Variants in SMC2 observed in about 807,000 individuals in gnomAD.
SMC2 encodes the protein structural maintenance of chromosomes protein 2.
In SMC2, 41 loss-of-function variants were observed where a neutral mutation model predicts 142.6. The observed-to-expected ratio is 0.29, with a 90% CI of 0.22 to 0.37. The LOEUF (loss-of-function observed/expected upper bound fraction) is 0.37. SMC2 is among the 10% of genes least tolerant of loss of function. SMC2 has a pLI of 1.00. For synonymous variants in SMC2, 463 were observed against 457.5 expected (o/e 1.01, Z -0.15); for missense variants, 1,265 against 1,373.7 (o/e 0.92, Z 1.25).
At chr9:104,126,865 T>C in intron 19 of SMC2, 81 bp downstream of exon 19, 1 of 1,331,888 alleles carries the variant, frequency 7.5e-7, no homozygotes, top group Non-Finnish European at 1.0e-6. Flanking sequence ...TTGACTTTAG[T>C]GTTCTCAGTC....
chr9:104,103,587 A>G (rs898608785), intron 9 of SMC2, among the ~76,000 whole-genome samples: 1 of 152,316 alleles, frequency 6.6e-6, no homozygotes, highest in Middle Eastern at 3.4e-3. Context: ...CTTCGCGAGA[A>G]CTAGGAATAG....
In SMC2 at chr9:104,132,141, G is replaced by A. The variant is rs1183064411; in HGVS notation, c.3108+16G>A. 7.0e-6 allele frequency: 9 copies of A among 1,292,476 alleles called. No individual in the cohort carries two copies. The highest frequency in any genetic ancestry group is 2.3e-5 in the East Asian group (1 of 43,174). The allele number at this position is 1,292,476 out of a possible 1,614,324, so 80.1% of individuals were successfully genotyped here. A position where few individuals can be genotyped will look rare whatever the true frequency, so the allele number is the denominator to read the frequency against. On this transcript the variant is annotated intron_variant, in intron 22 of 24. Coordinates refer to ENST00000374793, the MANE Select transcript of SMC2 (RefSeq NM_006444.3). The stretch of plus-strand genomic sequence containing the variant: ...ATGGCAAAAGGTACTTTTTATGTTT[G>A]TTTTATATGAGGTTGCAAGGATGAA...
At chr9:104,127,243 C>T (rs768537541) in intron 19 of SMC2, 43 bp from the exon 20 acceptor site, 1 of 1,423,238 alleles carries the variant, frequency 7.0e-7, no homozygotes, top group South Asian at 1.5e-5. Flanking sequence ...AAATTATTTA[C>T]ATGTTACCTC....
Position 104,129,821 on chromosome 9 carries a change from T to C in SMC2, c.2967T>C (p.Asn989=). The change falls in exon 21 of 25, where the codon AAT becomes AAC. Residue 989 remains asparagine, a synonymous_variant. Coordinates refer to ENST00000374793, the MANE Select transcript of SMC2 (RefSeq NM_006444.3). The part of the protein sequence containing the change: ...LGRNVNMRAM[N]VLTEAEERYN... ...GAAATGTCAATATGAGAGCTATGAATGTATTGACAGAAGCTGAAGAGCGAG... is the reference window on the plus strand; with the variant it reads ...GAAATGTCAATATGAGAGCTATGAACGTATTGACAGAAGCTGAAGAGCGAG... The C allele has an allele frequency of 6.2e-7, 1 of 1,613,660 alleles. No homozygotes were observed. The highest frequency in any genetic ancestry group is 8.5e-7 in the Non-Finnish European group (1 of 1,179,770).
chr9:104,115,693 CCTT>C (rs1564091878), intron 13 of SMC2, among the ~76,000 whole-genome samples: 2 of 152,108 alleles, frequency 1.3e-5, no homozygotes, highest in Non-Finnish European at 2.9e-5. Context: ...TCCATAGTTA[CCTT>C]TTTTGTGTGT....
chr9:104,125,788 G>T (rs1462797941), intron 18 of SMC2, among the ~76,000 whole-genome samples: 1 of 152,186 alleles, frequency 6.6e-6, no homozygotes, highest in Non-Finnish European at 1.5e-5. Flanking sequence ...TAATGCCAAA[G>T]CTGGAATCTG....
rs774979749 is a variant in SMC2, at chr9:104,132,018, T to C, written c.3001T>C (p.Leu1001=). The part of the protein sequence containing the change: ...LTEAEERYND[L]MKKKRIVEND... ...GTTTTTTATCTCATAGTACAATGAC[T>C]TGATGAAGAAGAAGAGAATTGTAGA... The change falls in exon 22 of 25, where the codon TTG becomes CTG. Residue 1001 remains leucine, a synonymous_variant. Transcript: ENST00000374793. 2.0e-6 allele frequency: 3 copies of C among 1,505,630 alleles called. No individual in the cohort carries two copies. Among genetic ancestry groups the C allele is most frequent in the Non-Finnish European group, 2.7e-6 (3 of 1,092,530 alleles). The allele number at this position is 1,505,630 out of a possible 1,614,324, so 93.3% of individuals were successfully genotyped here. A position where few individuals can be genotyped will look rare whatever the true frequency, so the allele number is the denominator to read the frequency against.
chr9:104,092,408 T>C (rs1450856295), upstream of SMC2: 4 of 152,196 alleles, frequency 2.6e-5, no homozygotes, highest in Non-Finnish European at 4.4e-5. Flanking sequence ...CATATTTCCA[T>C]ACCAAAAAAT....
At chr9:104,128,778 A>G (rs554844033) in intron 20 of SMC2, among the ~76,000 whole-genome samples, 1 of 152,308 alleles carries the variant, frequency 6.6e-6, no homozygotes, top group South Asian at 2.1e-4. Context: ...ATTACATGAA[A>G]AATTATTATA....
chr9:104,130,781 C>T (rs915857773), intron 21 of SMC2, among the ~76,000 whole-genome samples: 5 of 152,110 alleles, frequency 3.3e-5, no homozygotes, highest in African/African-American at 1.2e-4. Context: ...ATCTGCATAA[C>T]ATGAAACTTG....
In SMC2 at chr9:104,140,327, A is replaced by G. The variant is rs868666665; in HGVS notation, c.*1012A>G. 6.6e-6 allele frequency: 1 copy of G among 152,142 alleles called. No individual in the cohort carries two copies. 9.4% of individuals were successfully genotyped at this position (152,142 alleles called of 1,614,324 possible). On this transcript the variant is annotated 3_prime_UTR_variant, in exon 25 of 25. Coordinates refer to ENST00000374793, the MANE Select transcript of SMC2 (RefSeq NM_006444.3). ...GGGATGAAATTCCTTTAGAACTTGA[A>G]AGATGACACTAGCGAACACCATGAG...
intron 6 of SMC2, 29 bp downstream of exon 6, chr9:104,100,232 G>A: frequency 7.4e-6 from 11 of 1,476,542 alleles, no homozygotes; most frequent in African/African-American, 1.4e-5. Flanking sequence ...AATATTTTCG[G>A]AGAAGAATGT....
At position 104,116,634 on chromosome 9, in the gene SMC2, A is replaced by G. The variant is rs976855187; in HGVS notation, c.1791+315A>G. On this transcript the variant is annotated intron_variant, in intron 14 of 24. Transcript: ENST00000374793. ...ACTGAGCTTCTAGATACGTACCCCAAATTCTTCAAGTTTTTGTTTTTGTTT... is the reference window on the plus strand; with the variant it reads ...ACTGAGCTTCTAGATACGTACCCCAGATTCTTCAAGTTTTTGTTTTTGTTT... Among the ~76,000 whole-genome samples the G allele has an allele frequency of 3.9e-5, 6 of 152,150 alleles. No individual in the cohort carries two copies. The East Asian group carries it at 1.2e-3, about 29-fold the overall frequency.
In SMC2 at chr9:104,094,322, G is replaced by C; in HGVS notation, c.-217G>C. On this transcript the variant is annotated 5_prime_UTR_variant, in exon 1 of 25. Transcript: ENST00000374793. ...GCGCCGAAATTCAAAGGAATAAATAGTTCCGGCGCGGGTGTTGAGAGCGGT... is the reference window on the plus strand; with the variant it reads ...GCGCCGAAATTCAAAGGAATAAATACTTCCGGCGCGGGTGTTGAGAGCGGT... 2.5e-6 allele frequency: 1 copy of C among 398,738 alleles called. No individual in the cohort carries two copies. 24.7% of individuals were successfully genotyped at this position (398,738 alleles called of 1,614,324 possible).
chr9:104,124,874 T>C (rs1834098211), intron 17 of SMC2, 38 bp from the exon 18 acceptor site: 1 of 1,502,822 alleles, frequency 6.7e-7, no homozygotes, highest in Admixed American at 2.3e-5. Flanking sequence ...ACCTTTACCA[T>C]TGTTAACTTA....
chr9:104,127,923 T>G (rs1185057282), intron 20 of SMC2, among the ~76,000 whole-genome samples: 2 of 152,216 alleles, frequency 1.3e-5, no homozygotes, highest in African/African-American at 2.4e-5. Flanking sequence ...GTTACTGCTG[T>G]CAGTATTTGC....
intron 16 of SMC2, 68 bp downstream of exon 16, chr9:104,120,230 T>C (rs1833576421): frequency 7.2e-7 from 1 of 1,388,164 alleles, no homozygotes. Context: ...AATTTACTTT[T>C]ATTTCAAGAA....
chr9:104,121,842 C>T (rs28380533), intron 16 of SMC2, among the ~76,000 whole-genome samples: 1 of 151,948 alleles, frequency 6.6e-6, no homozygotes, highest in Non-Finnish European at 1.5e-5. Flanking sequence ...GTGCAGTGGC[C>T]CGATCTCGGC....
At position 104,102,211 on chromosome 9, in the gene SMC2, A is replaced by G. The variant is rs745870994; in HGVS notation, c.870+18A>G. 5.1e-6 allele frequency: 7 copies of G among 1,385,278 alleles called. No homozygotes were observed. The highest frequency in any genetic ancestry group is 2.3e-5 in the East Asian group (1 of 43,728). 85.8% of individuals were successfully genotyped at this position (1,385,278 alleles called of 1,614,324 possible). A position where few individuals can be genotyped will look rare whatever the true frequency, so the allele number is the denominator to read the frequency against. On this transcript the variant is annotated intron_variant, in intron 8 of 24. Coordinates refer to ENST00000374793, the MANE Select transcript of SMC2 (RefSeq NM_006444.3). ...AAGATAAGGTCTGAACATATGTATA[A>G]GAATCGATAATATACTCTGTGAAAA... is the stretch of plus-strand genomic sequence containing the variant.
Sources: allele counts gnomAD v4.1 joint callset (sites outside exome capture counted in the v4.1 genomes callset), GRCh38; gene constraint gnomAD v4.1.1; transcripts MANE v1.5; gene names NCBI Gene and HGNC (gene_info 2026-07-23, HGNC 2026-07-21).